PMPCB: variants seen among roughly 807,000 people sequenced by gnomAD.
PMPCB encodes mitochondrial-processing peptidase subunit beta.
Under a neutral mutation model 61.5 loss-of-function variants are expected in PMPCB, and 46 were observed. The observed-to-expected ratio is 0.75, with a 90% CI of 0.59 to 0.96. PMPCB has a LOEUF of 0.96. Among genes scored for constraint, PMPCB ranks in the 40% least tolerant of loss-of-function variants. The pLI is 0.00. For synonymous variants in PMPCB, 191 were observed against 201.6 expected (o/e 0.95, Z 0.44); for missense variants, 590 against 602.4 (o/e 0.98, Z 0.22).
chr7:103,344,626 G>A, the PMPCB span: 2 of 1,609,934 alleles, frequency 1.2e-6, no homozygotes, highest in East Asian at 2.2e-5. Flanking sequence ...GCAGCATGAT[G>A]GCGCCGGGTC....
the PMPCB span, chr7:103,344,672 G>A: frequency 6.3e-7 from 1 of 1,591,982 alleles, no homozygotes; most frequent in South Asian, 1.1e-5. Context: ...GTCCCGGGCG[G>A]AGGGCGCTTA....
chr7:103,305,613 TC>T (rs1817554903), intron 6 of PMPCB, among the ~76,000 whole-genome samples: 2 of 152,188 alleles, frequency 1.3e-5, no homozygotes, highest in Admixed American at 1.3e-4. Flanking sequence ...AAGTGTTCTT[TC>T]GTGTTGTAAA....
chr7:103,308,230 G>C (rs1313868729), intron 7 of PMPCB, among the ~76,000 whole-genome samples: 1 of 152,212 alleles, frequency 6.6e-6, no homozygotes, highest in South Asian at 2.1e-4. Context: ...GCTCAAAGTA[G>C]TATCTGGAAA....
intron 12 of PMPCB, chr7:103,322,020 C>T (rs2115874787): frequency 6.2e-7 from 1 of 1,613,952 alleles, no homozygotes; most frequent in Admixed American, 1.7e-5. Flanking sequence ...TGCTTGCTGT[C>T]TGACTTCCTC....
In PMPCB at chr7:103,300,202, G is replaced by T; in HGVS notation, c.352G>T (p.Asp118Tyr). The part of the protein sequence containing the change: ...FKGTKKRSQL[D>Y]LELEIENMGA... The stretch of plus-strand genomic sequence containing the variant: ...GGGCACCAAGAAGAGATCCCAGTTA[G>T]ATCTGGAACTTGAGATTGAAAATAT... Residue 118 changes from aspartate to tyrosine, a missense_variant, in exon 4 of 13, where the codon GAT becomes TAT. Asp to Tyr is a radical substitution (Grantham distance 160, BLOSUM62 -3). Transcript: ENST00000249269. The T allele has an allele frequency of 6.2e-7, 1 of 1,613,026 alleles. No individual in the cohort carries two copies. The highest frequency in any genetic ancestry group is 1.3e-5 in the African/African-American group (1 of 75,008).
chr7:103,338,763 A>G, the PMPCB span, among the ~76,000 whole-genome samples: 1 of 151,794 alleles, frequency 6.6e-6, no homozygotes, highest in Non-Finnish European at 1.5e-5. Flanking sequence ...TACAAAAATT[A>G]GCCGGGCGTG....
chr7:103,337,443 A>G, the PMPCB span: 1 of 269,380 alleles, frequency 3.7e-6, no homozygotes. Context: ...TTCTAAAGAG[A>G]GGTGAAGTAT....
chr7:103,329,830 C>T (rs1439995792), downstream of PMPCB, among the ~76,000 whole-genome samples: 1 of 152,158 alleles, frequency 6.6e-6, no homozygotes, highest in Non-Finnish European at 1.5e-5. Flanking sequence ...CATCTAGTCA[C>T]TTAACTCTCT....
chr7:103,334,299 T>C (rs992952671), downstream of PMPCB, among the ~76,000 whole-genome samples: 2 of 150,644 alleles, frequency 1.3e-5, no homozygotes, highest in Admixed American at 6.6e-5. Context: ...CGGTGGCTCA[T>C]GCCTGTAATC....
Position 103,308,958 on chromosome 7 carries a change from G to T in PMPCB, c.856G>T (p.Val286Leu). The part of the protein sequence containing the change: ...PCKFTGSEIR[V>L]RDDKMPLAHL... ...CCTGCTTTATCTTAACTAGATTCGTGTGAGGGATGACAAGATGCCTTTGGC... is the reference window on the plus strand; with the variant it reads ...CCTGCTTTATCTTAACTAGATTCGTTTGAGGGATGACAAGATGCCTTTGGC... Residue 286 changes from valine (V) to leucine (L), a missense_variant, in exon 8 of 13, where the codon GTG (valine) becomes TTG (leucine). Coordinates refer to ENST00000249269, the MANE Select transcript of PMPCB (RefSeq NM_004279.3). The T allele has an allele frequency of 6.3e-7, 1 of 1,586,482 alleles. No homozygotes were observed. The highest frequency in any genetic ancestry group is 1.2e-5 in the South Asian group (1 of 86,936).
At chr7:103,316,645 T>C (rs974193964), downstream of PMPCB, 1 of 600,034 alleles carries the variant, frequency 1.7e-6, no homozygotes, top group Non-Finnish European at 3.0e-6. Context: ...TATATGTGCA[T>C]GTGTACTGAT....
At chr7:103,317,069 AC>A (rs1272006280), downstream of PMPCB, 3 of 1,466,286 alleles carry the variant, frequency 2.0e-6, no homozygotes, top group Non-Finnish European at 2.8e-6. Context: ...GCTATTCTAC[AC>A]TCTCTTCCTG....
At chr7:103,319,365 A>G (rs530381988), downstream of PMPCB, among the ~76,000 whole-genome samples, 7 of 151,996 alleles carry the variant, frequency 4.6e-5, 1 homozygote, top group South Asian at 1.5e-3. Flanking sequence ...TGAACCCGGG[A>G]GGCGGAGGTT....
the PMPCB span, among the ~76,000 whole-genome samples, chr7:103,346,694 A>G: frequency 6.6e-6 from 1 of 152,146 alleles, no homozygotes; most frequent in Non-Finnish European, 1.5e-5. Flanking sequence ...TAGGTACTTC[A>G]TATTTGTGGA....
intron 12 of PMPCB, chr7:103,323,771 A>C: frequency 1.2e-6 from 1 of 852,954 alleles, no homozygotes; most frequent in Non-Finnish European, 1.6e-6. Flanking sequence ...CTTCCCTTCT[A>C]GTATTGAACT....
chr7:103,318,177 T>C (rs894065517), downstream of PMPCB, among the ~76,000 whole-genome samples: 1 of 152,066 alleles, frequency 6.6e-6, no homozygotes, highest in African/African-American at 2.4e-5. Flanking sequence ...TTTTGTCTGT[T>C]TTTTTTGAGA....
At chr7:103,298,083 G>A in intron 1 of PMPCB, 1 of 379,430 alleles carries the variant, frequency 2.6e-6, no homozygotes. Context: ...CGAAAAGCCA[G>A]TCATTTGCAT....
intron 4 of PMPCB, 35 bp downstream of exon 4, chr7:103,300,342 T>A (rs1388366291): frequency 6.7e-7 from 1 of 1,502,312 alleles, no homozygotes; most frequent in African/African-American, 1.4e-5. Flanking sequence ...ATAATGTAAT[T>A]TTCATGAGAA....
chr7:103,326,417 AG>A, intron 12 of PMPCB: 1 of 910,558 alleles, frequency 1.1e-6, no homozygotes, highest in South Asian at 1.6e-5. Context: ...AAGGAGGAGG[AG>A]GAGGAAGAGA....
Sources: gnomAD v4.1 joint callset for allele counts (sites outside exome capture counted in the v4.1 genomes callset) on GRCh38, gnomAD v4.1.1 for gene constraint, MANE v1.5 for transcripts, NCBI Gene and HGNC (gene_info 2026-07-23, HGNC 2026-07-21) for gene names.